The following CA10 variants were observed in gnomAD, a reference collection of about 807,000 sequenced individuals.
The protein encoded by CA10 is carbonic anhydrase-related protein 10.
A neutral mutation model predicts 44.2 loss-of-function variants in CA10; 14 were observed. That is an observed-to-expected ratio of 0.32 (90% CI 0.21 to 0.50). The LOEUF (loss-of-function observed/expected upper bound fraction) is 0.50. CA10 is among the 20% of genes least tolerant of loss of function. CA10 has a pLI of 0.99. For synonymous variants in CA10, 159 were observed against 141.6 expected, an observed-to-expected ratio of 1.12 and a Z score of -0.87; for missense variants, 350 against 409.7, an observed-to-expected ratio of 0.85 and a Z score of 1.26.
rs1051989277 is a variant in CA10, at chr17:51,631,312, T to C, written c.*272A>G. 4.0e-5 allele frequency: 16 copies of C among 403,070 alleles called. No individual in the cohort carries two copies. The highest frequency in any genetic ancestry group is 1.3e-4 in the Admixed American group (3 of 23,788). The allele number at this position is 403,070 out of a possible 1,614,324, so 25.0% of individuals were successfully genotyped here. A position where few individuals can be genotyped will look rare whatever the true frequency, so the allele number is the denominator to read the frequency against. On this transcript the variant is annotated 3_prime_UTR_variant, in exon 9 of 9. Coordinates refer to ENST00000451037, the MANE Select transcript of CA10 (RefSeq NM_020178.5). ...GTTTCTGAAACTTGACTTCCCATGA[T>C]GGAGGTTGTAAGAGTGTGTGTGTGT... is the stretch of plus-strand genomic sequence containing the variant.
chr17:51,960,822 G>T (rs903236958), intron 2 of CA10, among the ~76,000 whole-genome samples: 2 of 152,154 alleles, frequency 1.3e-5, no homozygotes, highest in Admixed American at 1.3e-4. Context: ...TCTGAACTAA[G>T]TGAAAATGAA....
chr17:51,680,345 G>A (rs1914802835), intron 4 of CA10, among the ~76,000 whole-genome samples: 1 of 152,218 alleles, frequency 6.6e-6, no homozygotes, highest in East Asian at 1.9e-4. Context: ...CTTAAGCCAG[G>A]TTGCTGTCCA....
intron 1 of CA10, among the ~76,000 whole-genome samples, chr17:52,107,101 G>A (rs1988676684): frequency 6.6e-6 from 1 of 152,092 alleles, no homozygotes. Context: ...GAGTTCACAT[G>A]GGCCTACCCT....
At chr17:51,916,062 G>C (rs1357580181) in intron 3 of CA10, among the ~76,000 whole-genome samples, 1 of 151,954 alleles carries the variant, frequency 6.6e-6, no homozygotes, top group South Asian at 2.1e-4. Context: ...AAGCCTAAAA[G>C]CTCCCCTCTA....
At chr17:52,058,654 T>C (rs1987294588) in intron 2 of CA10, among the ~76,000 whole-genome samples, 1 of 152,216 alleles carries the variant, frequency 6.6e-6, no homozygotes, top group African/African-American at 2.4e-5. Context: ...CTATGTTTAA[T>C]CCACCAGCAA....
intron 2 of CA10, 144 bp from the exon 3 acceptor site, chr17:51,931,276 G>A (rs978427340): frequency 4.1e-6 from 3 of 731,308 alleles, no homozygotes; most frequent in African/African-American, 1.8e-5. Context: ...GGGTTGCTAT[G>A]GTATTTTCCT....
At chr17:51,981,410 T>C (rs2144087830) in intron 2 of CA10, among the ~76,000 whole-genome samples, 1 of 151,948 alleles carries the variant, frequency 6.6e-6, no homozygotes, top group South Asian at 2.1e-4. Context: ...TGAGCAAAAA[T>C]GTCAAACAGA....
At chr17:52,121,768 A>C (rs1256050990) in intron 1 of CA10, among the ~76,000 whole-genome samples, 1 of 152,144 alleles carries the variant, frequency 6.6e-6, no homozygotes, top group Non-Finnish European at 1.5e-5. Context: ...CTCAGAACAC[A>C]GTGAAAATTG....
At chr17:51,847,313 C>G (rs970834870) in intron 3 of CA10, among the ~76,000 whole-genome samples, 2 of 152,158 alleles carry the variant, frequency 1.3e-5, no homozygotes, top group African/African-American at 4.8e-5. Flanking sequence ...GAAGTAGTCT[C>G]CTTTTTAAGC....
In CA10 at chr17:51,789,257, CCACCCACGCTGGCCTCCCACAGTG is replaced by C. The variant is rs757009693; in HGVS notation, c.280-41463_280-41440del. ...TCTCGAACTTATGACCTCAGGAGATCCACCCACGCTGGCCTCCCACAGTGCTGGGATTACAGGCGTGAGCCACCG... is the reference window on the plus strand; with the variant it reads ...TCTCGAACTTATGACCTCAGGAGATCCTGGGATTACAGGCGTGAGCCACCG... On this transcript the variant is annotated intron_variant, in intron 3 of 8. Coordinates refer to ENST00000451037, the MANE Select transcript of CA10 (RefSeq NM_020178.5). Among the ~76,000 whole-genome samples, 425 of 152,260 alleles carry C rather than the reference CCACCCACGCTGGCCTCCCACAGTG, an allele frequency of 2.8e-3. 1 individual carries two copies. The highest frequency in any genetic ancestry group is 5.0e-3 in the Non-Finnish European group (340 of 68,022).
At chr17:51,918,227 A>G (rs1438439465) in intron 3 of CA10, among the ~76,000 whole-genome samples, 2 of 152,250 alleles carry the variant, frequency 1.3e-5, no homozygotes, top group Non-Finnish European at 2.9e-5. Flanking sequence ...TCATAGTGCA[A>G]GTAATGCATT....
intron 2 of CA10, among the ~76,000 whole-genome samples, chr17:52,007,236 T>G (rs1040563215): frequency 6.6e-6 from 1 of 151,668 alleles, no homozygotes; most frequent in African/African-American, 2.4e-5. Flanking sequence ...CAACCTATAG[T>G]TTATATTCTT....
At chr17:51,690,094 C>A (rs191112137) in intron 4 of CA10, among the ~76,000 whole-genome samples, 1 of 152,152 alleles carries the variant, frequency 6.6e-6, no homozygotes, top group Admixed American at 6.5e-5. Context: ...ATTACAGGAA[C>A]ACACCAACAC....
At chr17:51,671,193 G>T (rs574519472) in intron 4 of CA10, among the ~76,000 whole-genome samples, 29 of 152,152 alleles carry the variant, frequency 1.9e-4, no homozygotes, top group Non-Finnish European at 3.4e-4. Flanking sequence ...ATTGGGGGCC[G>T]GCCTTTGGCT....
In CA10 at chr17:51,737,705, C is replaced by T. The variant is rs569370560; in HGVS notation, c.465+9928G>A. On this transcript the variant is annotated intron_variant, in intron 4 of 8. Transcript: ENST00000451037. ...CAAAATGTTGCCTTCTGTCTGGTGGCCCAAGTGTCCAACTCTTAGGCCATT... is the reference window on the plus strand; with the variant it reads ...CAAAATGTTGCCTTCTGTCTGGTGGTCCAAGTGTCCAACTCTTAGGCCATT... Among the ~76,000 whole-genome samples, 5 of 152,186 alleles carry T rather than the reference C, an allele frequency of 3.3e-5. No individual in the cohort carries two copies. In the East Asian group the frequency reaches 5.8e-4, roughly 18 times the overall value.
rs527968937 is a variant in CA10 at position 52,011,153 on chromosome 17, T to C, written c.136+61166A>G. 1.5e-4 allele frequency among the ~76,000 whole-genome samples: 23 copies of C among 152,120 alleles called. No individual in the cohort carries two copies. The South Asian group carries it at 4.6e-3, about 30-fold the overall frequency. On this transcript the variant is annotated intron_variant, in intron 2 of 8. Coordinates refer to ENST00000451037, the MANE Select transcript of CA10 (RefSeq NM_020178.5). ...AATGTTTGTTAAGAATACTGAAATG[T>C]ATGTACATATGCTCCTAATACCATA... is the stretch of plus-strand genomic sequence containing the variant.
At chr17:51,747,917 G>C in intron 3 of CA10, 99 bp from the exon 4 acceptor site, 2 of 832,934 alleles carry the variant, frequency 2.4e-6, no homozygotes, top group Admixed American at 2.7e-5. Context: ...GCTTCCTCTT[G>C]ATGGGAAGAT....
intron 2 of CA10, among the ~76,000 whole-genome samples, chr17:51,999,345 G>A (rs1026388683): frequency 6.6e-6 from 1 of 151,970 alleles, no homozygotes; most frequent in Non-Finnish European, 1.5e-5. Context: ...TATGTGTTGC[G>A]GCAATGTAGC....
intron 1 of CA10, among the ~76,000 whole-genome samples, chr17:52,094,637 G>T (rs1988358322): frequency 6.6e-6 from 1 of 152,168 alleles, no homozygotes; most frequent in South Asian, 2.1e-4. Flanking sequence ...ATAGGGAAAA[G>T]ACGAAGTCTT....
Sources: gnomAD v4.1 joint callset for allele counts (sites outside exome capture counted in the v4.1 genomes callset) on GRCh38, gnomAD v4.1.1 for gene constraint, MANE v1.5 for transcripts, NCBI Gene and HGNC (gene_info 2026-07-23, HGNC 2026-07-21) for gene names.